The following VPS8 variants were observed in gnomAD, a reference collection of about 807,000 sequenced individuals.
VPS8 encodes vacuolar protein sorting-associated protein 8 homolog.
A neutral mutation model predicts 216.4 loss-of-function variants in VPS8; 129 were observed. The observed-to-expected ratio is 0.60, with a 90% confidence interval of 0.52 to 0.69. The LOEUF (loss-of-function observed/expected upper bound fraction) is 0.69. VPS8 is among the 30% of genes least tolerant of loss of function. The probability of loss-of-function intolerance (pLI) is 0.00; values close to 1 mark genes in which losing one functional copy is unlikely to be tolerated. For missense variants in VPS8, 1,531 were observed against 1,683.5 expected (o/e 0.91, Z 1.59); for synonymous variants, 571 against 565.4 (o/e 1.01, Z -0.14).
chr3:184,852,623 A>T, intron 11 of VPS8, 56 bp downstream of exon 11: 1 of 1,539,908 alleles, frequency 6.5e-7, no homozygotes, highest in Non-Finnish European at 8.9e-7. Flanking sequence ...TGTTTTAATG[A>T]TTTGAAATTG....
At chr3:184,877,851 T>G (rs1729557579) in intron 21 of VPS8, among the ~76,000 whole-genome samples, 1 of 152,124 alleles carries the variant, frequency 6.6e-6, no homozygotes, top group African/African-American at 2.4e-5. Context: ...AAAAAGAAAA[T>G]ACAAATGAAT....
chr3:185,031,921 T>G (rs1048119042), intron 46 of VPS8, among the ~76,000 whole-genome samples: 10 of 152,170 alleles, frequency 6.6e-5, no homozygotes, highest in Non-Finnish European at 1.2e-4. Context: ...CCCAGCACTT[T>G]GGGAAGCCGA....
At chr3:184,967,022 A>G (rs1019041672) in intron 39 of VPS8, among the ~76,000 whole-genome samples, 1 of 150,422 alleles carries the variant, frequency 6.6e-6, no homozygotes, top group Non-Finnish European at 1.5e-5. Context: ...GATGGAGTGC[A>G]GTGGCACAAT....
At chr3:184,982,972 AT>A in intron 41 of VPS8, 39 bp from the exon 42 acceptor site, 1 of 1,508,532 alleles carries the variant, frequency 6.6e-7, no homozygotes, top group Non-Finnish European at 8.9e-7. Context: ...GAAAACTCTT[AT>A]TTTAAACTAA....
chr3:184,881,061 G>C (rs1045849156), intron 21 of VPS8, among the ~76,000 whole-genome samples: 8 of 152,100 alleles, frequency 5.3e-5, no homozygotes, highest in Non-Finnish European at 8.8e-5. Flanking sequence ...CAAGGCACTA[G>C]TCCGTTATTG....
rs555001184 is a variant in VPS8, at chr3:184,858,831, A to G, written c.1144-1154A>G. 4.6e-5 allele frequency among the ~76,000 whole-genome samples: 7 copies of G among 152,304 alleles called. No individual in the cohort carries two copies. The South Asian group carries it at 1.4e-3, about 32-fold the overall frequency. On this transcript the variant is annotated intron_variant, in intron 14 of 47. Transcript: ENST00000625842. ...TGCCTGGTCTGCATTTGCTTTGACT[A>G]GACCACATCTGCCTCTTCATAGCCT... is the stretch of plus-strand genomic sequence containing the variant.
At chr3:184,986,545 C>T (rs930741600) in intron 42 of VPS8, among the ~76,000 whole-genome samples, 1 of 152,178 alleles carries the variant, frequency 6.6e-6, no homozygotes, top group African/African-American at 2.4e-5. Flanking sequence ...CTTCCCCCTT[C>T]CAGCAGCCAT....
chr3:184,941,710 C>T lies in VPS8; in HGVS notation c.3035+1467C>T, dbSNP rs564223423. 5.3e-5 allele frequency among the ~76,000 whole-genome samples: 8 copies of T among 152,002 alleles called. 1 individual carries two copies. Among genetic ancestry groups the T allele is most frequent in the Non-Finnish European group, 1.0e-4 (7 of 68,010 alleles). Reference sequence around the variant, plus strand: ...TTCTGTGGCACAGTTCCCTCTTTTCCTCTCCCATACTTTTCCCAGTGTTAG... The same window carrying T: ...TTCTGTGGCACAGTTCCCTCTTTTCTTCTCCCATACTTTTCCCAGTGTTAG... On this transcript the variant is annotated intron_variant, in intron 36 of 47. Coordinates refer to ENST00000625842, the MANE Select transcript of VPS8 (RefSeq NM_001009921.3).
intron 37 of VPS8, among the ~76,000 whole-genome samples, chr3:184,961,111 CTTG>C (rs1412417922): frequency 2.0e-5 from 3 of 152,124 alleles, no homozygotes; most frequent in African/African-American, 7.2e-5. Context: ...GATGATTAGT[CTTG>C]TTGTGCCATA....
intron 46 of VPS8, among the ~76,000 whole-genome samples, chr3:185,034,547 G>A (rs1758606052): frequency 6.6e-6 from 1 of 152,030 alleles, no homozygotes; most frequent in African/African-American, 2.4e-5. Flanking sequence ...GTCTTTGTTG[G>A]ATGCATAGTT....
intron 29 of VPS8, among the ~76,000 whole-genome samples, chr3:184,920,607 GACACTTA>G (rs1043985732): frequency 6.6e-6 from 1 of 152,202 alleles, no homozygotes; most frequent in Non-Finnish European, 1.5e-5. Flanking sequence ...GATGCTGGAT[GACACTTA>G]AGAATGATTT....
At chr3:184,902,745 G>T (rs182306913) in intron 25 of VPS8, among the ~76,000 whole-genome samples, 9 of 151,252 alleles carry the variant, frequency 6.0e-5, no homozygotes, top group African/African-American at 2.2e-4. Context: ...CAGGAGAATC[G>T]CTTGAACCCG....
chr3:185,011,368 G>A (rs1754998172), intron 45 of VPS8, among the ~76,000 whole-genome samples: 1 of 152,184 alleles, frequency 6.6e-6, no homozygotes, highest in Non-Finnish European at 1.5e-5. Flanking sequence ...GAGTATTGGA[G>A]AAAAGAGCTT....
intron 45 of VPS8, among the ~76,000 whole-genome samples, chr3:185,013,503 C>G (rs904618006): frequency 6.6e-5 from 10 of 152,224 alleles, no homozygotes; most frequent in African/African-American, 9.6e-5. Context: ...TTCAAGCACT[C>G]CAGTTCCTGG....
At chr3:184,922,558 C>T (rs1006526060) in intron 29 of VPS8, 16 of 364,724 alleles carry the variant, frequency 4.4e-5, no homozygotes, top group African/African-American at 1.5e-4. Context: ...AGAGAAAGCT[C>T]CGTAAGTATT....
chr3:185,039,282 T>C (rs1416638102), intron 46 of VPS8, among the ~76,000 whole-genome samples: 2 of 152,222 alleles, frequency 1.3e-5, no homozygotes, highest in South Asian at 2.1e-4. Context: ...CTTAATCCAC[T>C]TGTATTGCTA....
intron 24 of VPS8, among the ~76,000 whole-genome samples, chr3:184,900,321 G>A (rs1455327793): frequency 4.6e-5 from 7 of 152,164 alleles, no homozygotes; most frequent in Admixed American, 3.3e-4. Flanking sequence ...AGAGGTAGAC[G>A]TTTATATACC....
chr3:184,975,663 T>C (rs1441084459), intron 40 of VPS8, among the ~76,000 whole-genome samples: 1 of 152,202 alleles, frequency 6.6e-6, no homozygotes. Context: ...TTTTTCCCTT[T>C]TGGTATGATG....
intron 46 of VPS8, among the ~76,000 whole-genome samples, chr3:185,046,713 A>G (rs1251844873): frequency 1.3e-5 from 2 of 152,206 alleles, no homozygotes; most frequent in Non-Finnish European, 2.9e-5. Flanking sequence ...AATTTTCATA[A>G]CAATTCTGCA....
Sources: allele counts gnomAD v4.1 joint callset (sites outside exome capture counted in the v4.1 genomes callset), GRCh38; gene constraint gnomAD v4.1.1; transcripts MANE v1.5; gene names NCBI Gene and HGNC (gene_info 2026-07-23, HGNC 2026-07-21).